The following FAM50B variants were observed in gnomAD, a reference collection of about 807,000 sequenced individuals.
FAM50B encodes family with sequence similarity 50 member B, also known as protein FAM50B.
Under a neutral mutation model 25.4 loss-of-function variants are expected in FAM50B, and 9 were observed. The ratio of observed to expected loss-of-function variants is 0.35; its 90% CI spans 0.21 to 0.62. The LOEUF (loss-of-function observed/expected upper bound fraction) is 0.62, where lower values mean the gene tolerates loss of function less well. Among genes scored for constraint, FAM50B ranks in the 20% least tolerant of loss-of-function variants. FAM50B has a pLI of 0.73. For missense variants in FAM50B, 372 were observed against 477.9 expected (o/e 0.78, Z 2.07); for synonymous variants, 212 against 204.3 (o/e 1.04, Z -0.32).
Position 3,851,185 on chromosome 6 carries a change from A to C in FAM50B, c.*396A>C. On this transcript the variant is annotated 3_prime_UTR_variant, in exon 2 of 2. Coordinates refer to ENST00000648326, the MANE Select transcript of FAM50B (RefSeq NM_012135.3). ...GTGTAGTTTTGGGTAAGCTTATTAAACCCCCATGCCTCAGTTTGGTCACCT... is the reference window on the plus strand; with the variant it reads ...GTGTAGTTTTGGGTAAGCTTATTAACCCCCCATGCCTCAGTTTGGTCACCT... The C allele has an allele frequency of 4.7e-6, 1 of 213,770 alleles. No homozygotes were observed. Among genetic ancestry groups the C allele is most frequent in the Non-Finnish European group, 1.0e-5 (1 of 97,186 alleles). The allele number at this position is 213,770 out of a possible 1,614,324, so 13.2% of individuals were successfully genotyped here. A position where few individuals can be genotyped will look rare whatever the true frequency, so the allele number is the denominator to read the frequency against.
upstream of FAM50B, among the ~76,000 whole-genome samples, chr6:3,849,117 G>A (rs1040374034): frequency 8.5e-5 from 13 of 152,194 alleles, no homozygotes; most frequent in Non-Finnish European, 1.3e-4. Flanking sequence ...GTGGGGGCCC[G>A]CCCTGCCCAC....
At chr6:3,838,723 C>T in the FAM50B span, among the ~76,000 whole-genome samples, 1 of 151,694 alleles carries the variant, frequency 6.6e-6, no homozygotes, top group Admixed American at 6.6e-5. Flanking sequence ...CACCTGTAAT[C>T]CCAGCTACTT....
In FAM50B at chr6:3,850,667, G is replaced by A; in HGVS notation, c.856G>A (p.Glu286Lys). 1.9e-6 allele frequency: 3 copies of A among 1,614,138 alleles called. No homozygotes were observed. The highest frequency in any genetic ancestry group is 2.5e-6 in the Non-Finnish European group (3 of 1,180,032). The change falls in exon 2 of 2, where the codon GAG becomes AAG. Residue 286 changes from glutamate (E) to lysine (K), a missense_variant. Transcript: ENST00000648326. ...LLSDATMEKD[E>K]SHAGKVVLRS... ...CAGCGACGCCACCATGGAGAAGGACGAGTCGCACGCGGGCAAGGTGGTGCT... is the reference window on the plus strand; with the variant it reads ...CAGCGACGCCACCATGGAGAAGGACAAGTCGCACGCGGGCAAGGTGGTGCT...
chr6:3,841,069 CA>C, the FAM50B span, among the ~76,000 whole-genome samples: 1 of 152,148 alleles, frequency 6.6e-6, no homozygotes, highest in African/African-American at 2.4e-5. Flanking sequence ...GTGCTTCTAA[CA>C]AAAAATACAA....
chr6:3,843,347 G>A, the FAM50B span, among the ~76,000 whole-genome samples: 2 of 152,088 alleles, frequency 1.3e-5, no homozygotes, highest in African/African-American at 2.4e-5. Context: ...CTGCTTTTTT[G>A]TTTGTGAAAA....
At chr6:3,840,968 A>C in the FAM50B span, among the ~76,000 whole-genome samples, 414 of 152,338 alleles carry the variant, frequency 2.7e-3, 2 homozygotes, top group South Asian at 7.2e-3. Context: ...ATGTCTTTTT[A>C]TTTATTTGGC....
the FAM50B span, among the ~76,000 whole-genome samples, chr6:3,839,089 G>C: frequency 1.3e-5 from 2 of 151,668 alleles, no homozygotes; most frequent in Admixed American, 6.6e-5. Context: ...AAGAAAAGGG[G>C]TCTATTTGGT....
upstream of FAM50B, among the ~76,000 whole-genome samples, chr6:3,848,590 A>G (rs1188290229): frequency 6.6e-6 from 1 of 151,778 alleles, no homozygotes; most frequent in East Asian, 2.0e-4. Context: ...GTATTTCACA[A>G]CCAGCTTTTC....
chr6:3,850,208 G>A lies in FAM50B; in HGVS notation c.397G>A (p.Ala133Thr), dbSNP rs1561775633. The change falls in exon 2 of 2, where the codon GCG becomes ACG. Residue 133 changes from alanine (A) to threonine (T), a missense_variant. Transcript: ENST00000648326. ...ALDDLDDQAD[A>T]AEARRAGNLG... Reference sequence around the variant, plus strand: ...AGACGACCTCGATGACCAGGCCGACGCGGCCGAGGCCAGGCGCGCCGGAAA... The same window carrying A: ...AGACGACCTCGATGACCAGGCCGACACGGCCGAGGCCAGGCGCGCCGGAAA... The A allele has an allele frequency of 2.5e-6, 4 of 1,613,362 alleles. No homozygotes were observed. Among genetic ancestry groups the A allele is most frequent in the Non-Finnish European group, 3.4e-6 (4 of 1,179,870 alleles).
chr6:3,839,180 G>T, the FAM50B span, among the ~76,000 whole-genome samples: 18 of 151,714 alleles, frequency 1.2e-4, no homozygotes, highest in East Asian at 3.3e-3. Context: ...CACTCAAGCA[G>T]AAGGCAAAAG....
At chr6:3,847,363 G>A (rs970135381), upstream of FAM50B, among the ~76,000 whole-genome samples, 4 of 152,250 alleles carry the variant, frequency 2.6e-5, no homozygotes, top group Non-Finnish European at 4.4e-5. Flanking sequence ...ACCTGCTGCA[G>A]CTTCTCCATC....
the FAM50B span, chr6:3,832,158 C>A: frequency 8.5e-5 from 13 of 152,110 alleles, no homozygotes; most frequent in Admixed American, 2.6e-4. Context: ...GAGTAATGAA[C>A]CTTTCAGTAA....
In FAM50B at chr6:3,849,891, A is replaced by T. The variant is rs763941364; in HGVS notation, c.80A>T (p.Gln27Leu). The change falls in exon 2 of 2, where the codon CAG (glutamine) becomes CTG (leucine). Residue 27 changes from glutamine to leucine, a missense_variant. This residue lies in a region of FAM50B where 64 missense variants were observed against 118.3 expected (regional missense o/e 0.54). Transcript: ENST00000648326. ...LLKKRERQRE[Q>L]MEVLKQRIAE... ...AAGAAGCGCGAAAGGCAGCGGGAGC[A>T]GATGGAGGTGCTGAAGCAGCGCATC... The T allele has an allele frequency of 1.2e-6, 2 of 1,613,802 alleles. No individual in the cohort carries two copies. The highest frequency in any genetic ancestry group is 3.3e-5 in the Admixed American group (2 of 60,038).
At chr6:3,833,631 T>A in the FAM50B span, 1 of 152,236 alleles carries the variant, frequency 6.6e-6, no homozygotes, top group African/African-American at 2.4e-5. Flanking sequence ...TTCATTTCCC[T>A]GGCTACGAGG....
At chr6:3,848,812 A>G (rs1470881316), upstream of FAM50B, among the ~76,000 whole-genome samples, 2 of 152,238 alleles carry the variant, frequency 1.3e-5, no homozygotes, top group Non-Finnish European at 2.9e-5. Flanking sequence ...ACTGCTGTAT[A>G]GAAGAGGTCA....
the FAM50B span, among the ~76,000 whole-genome samples, chr6:3,843,905 T>G: frequency 6.6e-6 from 1 of 152,174 alleles, no homozygotes; most frequent in Admixed American, 6.5e-5. Flanking sequence ...TGTGGTGGTG[T>G]TGGAGGGATC....
At chr6:3,842,584 A>G in the FAM50B span, among the ~76,000 whole-genome samples, 1 of 152,102 alleles carries the variant, frequency 6.6e-6, no homozygotes, top group Non-Finnish European at 1.5e-5. Flanking sequence ...TAAAAATTCT[A>G]AAAGCTATCC....
chr6:3,841,281 G>A, the FAM50B span, among the ~76,000 whole-genome samples: 32 of 152,322 alleles, frequency 2.1e-4, no homozygotes, highest in East Asian at 5.6e-3. Context: ...AGATGATAAT[G>A]CAATTCCCCT....
chr6:3,843,377 T>C, the FAM50B span, among the ~76,000 whole-genome samples: 1 of 152,250 alleles, frequency 6.6e-6, no homozygotes, highest in Non-Finnish European at 1.5e-5. Context: ...CAGGATTACT[T>C]TTCTTTTTAA....
Sources: allele counts gnomAD v4.1 joint callset (sites outside exome capture counted in the v4.1 genomes callset), GRCh38; gene constraint gnomAD v4.1.1; regional missense constraint gnomAD v4.1.1; transcripts MANE v1.5; gene names NCBI Gene and HGNC (gene_info 2026-07-23, HGNC 2026-07-21).